Variants in ANGPTL5 observed in about 807,000 individuals in gnomAD.
The protein encoded by ANGPTL5 is angiopoietin like 5, also known as angiopoietin-related protein 5.
ANGPTL5 carries 34 observed loss-of-function variants against 39.4 expected under a neutral mutation model. The ratio of observed to expected loss-of-function variants is 0.86; its 90% CI spans 0.66 to 1.15. The LOEUF (loss-of-function observed/expected upper bound fraction) is 1.15. Ranked by LOEUF, ANGPTL5 falls within the 50% of genes most tolerant of loss-of-function variation. The pLI is 0.00. For synonymous variants in ANGPTL5, 146 were observed against 152.1 expected (o/e 0.96, Z 0.29); for missense variants, 467 against 457.5 (o/e 1.02, Z -0.19).
chr11:101,907,965 A>G lies in ANGPTL5; in HGVS notation c.-56T>C, dbSNP rs1940027050. 2 of 1,287,764 alleles carry G rather than the reference A, an allele frequency of 1.6e-6. No homozygotes were observed. Among genetic ancestry groups the G allele is most frequent in the African/African-American group, 2.9e-5 (2 of 67,894 alleles). 79.8% of individuals were successfully genotyped at this position (1,287,764 alleles called of 1,614,324 possible). A position where few individuals can be genotyped will look rare whatever the true frequency, so the allele number is the denominator to read the frequency against. ...CAAATATCAGTCAGCTCTTTGTGGAAAGAACTACAGAGCATAGAGTCTTCA... is the reference window on the plus strand; with the variant it reads ...CAAATATCAGTCAGCTCTTTGTGGAGAGAACTACAGAGCATAGAGTCTTCA... On this transcript the variant is annotated 5_prime_UTR_variant, in exon 2 of 9. Coordinates refer to ENST00000334289, the MANE Select transcript of ANGPTL5 (RefSeq NM_178127.5).
Position 101,891,511 on chromosome 11 carries a change from G to A in ANGPTL5, c.935C>T (p.Pro312Leu). 1 of 1,614,036 alleles carries A rather than the reference G, an allele frequency of 6.2e-7. No homozygotes were observed. Among genetic ancestry groups the A allele is most frequent in the Non-Finnish European group, 8.5e-7 (1 of 1,179,980 alleles). ...TSDVDNDGCR[P>L]ACLVNGQSVK... The stretch of plus-strand genomic sequence containing the variant: ...AGACTGACCATTGACCAGGCATGCA[G>A]GGCGACACCCATCATTATCAACATC... Residue 312 changes from proline to leucine, a missense_variant, in exon 9 of 9, where the codon CCT (proline) becomes CTT (leucine). Pro to Leu is a moderately conservative substitution (Grantham distance 98). Transcript: ENST00000334289.
rs774366365 is a variant in ANGPTL5, at chr11:101,904,829, G to T, written c.424C>A (p.Pro142Thr). 1.9e-6 allele frequency: 3 copies of T among 1,613,092 alleles called. No homozygotes were observed. The East Asian group carries it at 6.7e-5, about 36-fold the overall frequency. Residue 142 changes from proline (P) to threonine (T), a missense_variant, in exon 5 of 9, where the codon CCT becomes ACT. Pro to Thr is a conservative substitution (Grantham distance 38). Coordinates refer to ENST00000334289, the MANE Select transcript of ANGPTL5 (RefSeq NM_178127.5). ...AAGTTCTCACCATGTGACTGAACAG[G>T]TCTGTGAGGAAAAGGATCCAGCTGT... ...RKQLDPFPHR[P>T]VQSHGLDCTD...
At chr11:101,915,009 C>G (rs1179209111) in intron 1 of ANGPTL5, 2 of 391,922 alleles carry the variant, frequency 5.1e-6, no homozygotes, top group Non-Finnish European at 9.2e-6. Context: ...TTGTCAAGGA[C>G]GCGCCGTCGG....
At chr11:101,913,952 T>C (rs868044590) in intron 1 of ANGPTL5, among the ~76,000 whole-genome samples, 2 of 152,246 alleles carry the variant, frequency 1.3e-5, no homozygotes, top group African/African-American at 4.8e-5. Context: ...ATCCTGTTGG[T>C]ATGCTTCTGA....
chr11:101,907,539 A>G (rs1940019961), intron 2 of ANGPTL5, among the ~76,000 whole-genome samples: 1 of 152,068 alleles, frequency 6.6e-6, no homozygotes, highest in Non-Finnish European at 1.5e-5. Flanking sequence ...TTTACTACCT[A>G]TCAGATATTT....
chr11:101,913,804 G>A (rs1002489154), intron 1 of ANGPTL5, among the ~76,000 whole-genome samples: 26 of 152,274 alleles, frequency 1.7e-4, no homozygotes, highest in Non-Finnish European at 1.6e-4. Context: ...GATCACCCAT[G>A]GGGAGACAAA....
rs1940205220 is a variant in ANGPTL5, at chr11:101,916,061, G to C, written c.-135C>G. 6.6e-6 allele frequency: 1 copy of C among 152,236 alleles called. No individual in the cohort carries two copies. Among genetic ancestry groups the C allele is most frequent in the Admixed American group, 6.5e-5 (1 of 15,286 alleles). 9.4% of individuals were successfully genotyped at this position (152,236 alleles called of 1,614,324 possible). A position where few individuals can be genotyped will look rare whatever the true frequency, so the allele number is the denominator to read the frequency against. The stretch of plus-strand genomic sequence containing the variant: ...GTTGCATTGTAGAAAATGGAAAGAG[G>C]AGAAGTATTTTGTTATCAAAATCTG... On this transcript the variant is annotated 5_prime_UTR_variant, in exon 1 of 9. Coordinates refer to ENST00000334289, the MANE Select transcript of ANGPTL5 (RefSeq NM_178127.5).
chr11:101,898,485 C>T (rs890665845), intron 7 of ANGPTL5, among the ~76,000 whole-genome samples: 2 of 152,148 alleles, frequency 1.3e-5, no homozygotes, highest in Non-Finnish European at 2.9e-5. Flanking sequence ...GATTTTTACA[C>T]ATTGATGTTG....
chr11:101,906,996 G>T, intron 3 of ANGPTL5, 107 bp downstream of exon 3: 2 of 830,592 alleles, frequency 2.4e-6, no homozygotes, highest in East Asian at 2.7e-5. Context: ...GGATGATCAG[G>T]ATGTATAGAA....
intron 8 of ANGPTL5, 130 bp from the exon 9 acceptor site, chr11:101,891,728 T>C (rs1260193688): frequency 4.1e-6 from 4 of 967,168 alleles, no homozygotes; most frequent in South Asian, 3.1e-5. Context: ...CTGTTTATCA[T>C]GTTAAAATTC....
At chr11:101,911,413 C>G (rs1940091009) in intron 1 of ANGPTL5, among the ~76,000 whole-genome samples, 1 of 152,050 alleles carries the variant, frequency 6.6e-6, no homozygotes, top group East Asian at 1.9e-4. Flanking sequence ...CGTGAGCCAC[C>G]ATGCCAGGCC....
Position 101,907,140 on chromosome 11 carries a change from T to C in ANGPTL5, c.204A>G (p.Lys68=), listed in dbSNP as rs1006523010. Residue 68 remains lysine, a synonymous_variant, in exon 3 of 9, where the codon AAA becomes AAG. Coordinates refer to ENST00000334289, the MANE Select transcript of ANGPTL5 (RefSeq NM_178127.5). ...KEDCEESCDV[K]TKITREEKHF... The stretch of plus-strand genomic sequence containing the variant: ...GTTTTTCTTCTCGTGTAATTTTAGT[T>C]TTAACATCACATGATTCCTCACAGT... 3.8e-6 allele frequency: 6 copies of C among 1,590,600 alleles called. No homozygotes were observed. Among genetic ancestry groups the C allele is most frequent in the Admixed American group, 3.4e-5 (2 of 58,988 alleles).
chr11:101,894,996 A>G lies in ANGPTL5; in HGVS notation c.730T>C (p.Tyr244His). The G allele has an allele frequency of 1.9e-6, 3 of 1,610,192 alleles. No individual in the cohort carries two copies. Among genetic ancestry groups the G allele is most frequent in the Non-Finnish European group, 1.7e-6 (2 of 1,177,540 alleles). ...VNQKNTSFMLYVALESEDDTL... is the reference protein window; with the variant it reads ...VNQKNTSFMLHVALESEDDTL... ...TCATCTTCAGATTCCAAAGCCACAT[A>G]CAGCATAAAACTGGTATTTTTCTGA... Residue 244 changes from tyrosine to histidine, a missense_variant, in exon 8 of 9, where the codon TAT becomes CAT. By Grantham distance (83) the Tyr-to-His change is moderately conservative (BLOSUM62 2). Coordinates refer to ENST00000334289, the MANE Select transcript of ANGPTL5 (RefSeq NM_178127.5).
chr11:101,893,753 T>G (rs1182375424), intron 8 of ANGPTL5, among the ~76,000 whole-genome samples: 1 of 152,184 alleles, frequency 6.6e-6, no homozygotes, highest in Non-Finnish European at 1.5e-5. Context: ...AGATCATGAT[T>G]GGAATTTCAG....
rs939149970 is a variant in ANGPTL5, at chr11:101,915,163, C to T, written c.-93+856G>A. The T allele has an allele frequency of 3.4e-6, 5 of 1,463,412 alleles. No homozygotes were observed. The African/African-American group carries it at 5.6e-5, about 16-fold the overall frequency. The allele number at this position is 1,463,412 out of a possible 1,614,324, so 90.7% of individuals were successfully genotyped here. A position where few individuals can be genotyped will look rare whatever the true frequency, so the allele number is the denominator to read the frequency against. The stretch of plus-strand genomic sequence containing the variant: ...AGGGCTGTCGAGGCCAACCCTTCCG[C>T]GCCCGTGACGCGGGGCCTGAGAGAC... On this transcript the variant is annotated intron_variant, in intron 1 of 8. Coordinates refer to ENST00000334289, the MANE Select transcript of ANGPTL5 (RefSeq NM_178127.5).
At chr11:101,905,989 T>TC in intron 3 of ANGPTL5, 142 bp from the exon 4 acceptor site, 1 of 625,130 alleles carries the variant, frequency 1.6e-6, no homozygotes, top group Non-Finnish European at 2.8e-6. Flanking sequence ...CAGAATTACA[T>TC]ATTTTAGTTA....
At chr11:101,897,150 C>T (rs1424542788) in intron 7 of ANGPTL5, among the ~76,000 whole-genome samples, 2 of 152,144 alleles carry the variant, frequency 1.3e-5, no homozygotes, top group Non-Finnish European at 2.9e-5. Flanking sequence ...GCTTAAATGT[C>T]GTCTTTTGAA....
At chr11:101,908,457 A>T (rs1000225044) in intron 1 of ANGPTL5, among the ~76,000 whole-genome samples, 4 of 152,194 alleles carry the variant, frequency 2.6e-5, no homozygotes, top group African/African-American at 9.6e-5. Context: ...AGAGCAGATA[A>T]TTCAGACTTA....
At chr11:101,900,081 G>C (rs1591254287) in intron 7 of ANGPTL5, among the ~76,000 whole-genome samples, 1 of 152,158 alleles carries the variant, frequency 6.6e-6, no homozygotes, top group Non-Finnish European at 1.5e-5. Context: ...CACCTCTCAA[G>C]AATTTTAAGA....
Sources: gnomAD v4.1 joint callset for allele counts (sites outside exome capture counted in the v4.1 genomes callset) on GRCh38, gnomAD v4.1.1 for gene constraint, MANE v1.5 for transcripts, NCBI Gene and HGNC (gene_info 2026-07-23, HGNC 2026-07-21) for gene names.